IST1: variants seen among roughly 807,000 people sequenced by gnomAD.
IST1 encodes IST1 homolog.
IST1 carries 23 observed loss-of-function variants against 37.0 expected under a neutral mutation model. The ratio of observed to expected loss-of-function variants is 0.62; its 90% CI spans 0.45 to 0.88. The LOEUF is 0.88. Among genes scored for constraint, IST1 ranks in the 40% least tolerant of loss-of-function variants. The pLI, the probability that IST1 is intolerant of heterozygous loss-of-function variation, is 0.00. For synonymous variants in IST1, 180 were observed against 161.7 expected, an observed-to-expected ratio of 1.11 and a Z score of -0.86; for missense variants, 488 against 445.4, an observed-to-expected ratio of 1.10 and a Z score of -0.86.
At chr16:71,925,343 G>A (rs1450455125) in intron 9 of IST1, among the ~76,000 whole-genome samples, 1 of 142,138 alleles carries the variant, frequency 7.0e-6, no homozygotes, top group Admixed American at 7.2e-5. Flanking sequence ...TTGAGACGGA[G>A]TCTTGCTCTG....
chr16:71,912,725 A>G (rs1398799637), intron 1 of IST1, among the ~76,000 whole-genome samples: 1 of 152,146 alleles, frequency 6.6e-6, no homozygotes, highest in African/African-American at 2.4e-5. Context: ...TCATCTTTCA[A>G]AACTGAAACT....
intron 1 of IST1, among the ~76,000 whole-genome samples, chr16:71,899,029 T>C (rs1442736370): frequency 6.6e-6 from 1 of 152,048 alleles, no homozygotes; most frequent in Admixed American, 6.6e-5. Context: ...ATAATGTTTT[T>C]ATCTCAATTT....
Position 71,929,632 on chromosome 16 carries a change from A to C in IST1, c.*1819A>C. 1.3e-6 allele frequency: 2 copies of C among 1,551,828 alleles called. No homozygotes were observed. Among genetic ancestry groups the C allele is most frequent in the Non-Finnish European group, 1.7e-6 (2 of 1,146,898 alleles). ...TTTTTGGGGCCAACTGATTCCTAACAAATTTGAGAGCTTCTGTAGCAGTGT... is the reference window on the plus strand; with the variant it reads ...TTTTTGGGGCCAACTGATTCCTAACCAATTTGAGAGCTTCTGTAGCAGTGT... On this transcript the variant is annotated 3_prime_UTR_variant, in exon 10 of 10. Transcript: ENST00000378799.
At chr16:71,912,301 G>A (rs1251670213) in intron 1 of IST1, among the ~76,000 whole-genome samples, 1 of 151,854 alleles carries the variant, frequency 6.6e-6, no homozygotes, top group African/African-American at 2.4e-5. Flanking sequence ...GCGGTGGCGC[G>A]GTCTCAGCTT....
In IST1 at chr16:71,921,450, C is replaced by A; in HGVS notation, c.549C>A (p.Val183=). 1 of 1,584,628 alleles carries A rather than the reference C, an allele frequency of 6.3e-7. No individual in the cohort carries two copies. The highest frequency in any genetic ancestry group is 1.1e-5 in the South Asian group (1 of 90,366). ...YNVPYEPDSV[V]MAEAPPGVET... The stretch of plus-strand genomic sequence containing the variant: ...TACCCTATGAACCTGACTCTGTGGT[C>A]ATGGTAAGTTTATCCCAGAATACAA... Residue 183 remains valine (V), a synonymous_variant, in exon 6 of 10, where the codon GTC becomes GTA. Transcript: ENST00000378799.
intron 2 of IST1, among the ~76,000 whole-genome samples, chr16:71,916,109 G>C (rs1281447016): frequency 6.6e-6 from 1 of 152,168 alleles, no homozygotes; most frequent in Non-Finnish European, 1.5e-5. Flanking sequence ...TGGGATTACA[G>C]GCGTGAGCTA....
rs2037566060 is a variant in IST1, at chr16:71,920,950, A to G, written c.441+128A>G. On this transcript the variant is annotated intron_variant, in intron 5 of 9. Coordinates refer to ENST00000378799, the MANE Select transcript of IST1 (RefSeq NM_001270975.2). ...TTTCACCTTTCATAGTGGGGTGAGG[A>G]GGACAGCTGTGTGGCTGGCAGTGTG... is the stretch of plus-strand genomic sequence containing the variant. 3 of 749,358 alleles carry G rather than the reference A, an allele frequency of 4.0e-6. No individual in the cohort carries two copies. The African/African-American group carries it at 5.2e-5, about 13-fold the overall frequency. 46.4% of individuals were successfully genotyped at this position (749,358 alleles called of 1,614,324 possible).
chr16:71,918,644 C>G (rs1311678088), intron 4 of IST1, among the ~76,000 whole-genome samples: 2 of 152,132 alleles, frequency 1.3e-5, no homozygotes, highest in African/African-American at 4.8e-5. Flanking sequence ...TCTCGAACTC[C>G]TGACCTCGTG....
chr16:71,911,362 A>AG (rs980293921), intron 1 of IST1, among the ~76,000 whole-genome samples: 4 of 151,122 alleles, frequency 2.6e-5, no homozygotes, highest in Non-Finnish European at 4.4e-5. Context: ...TTTTTTTAAA[A>AG]AAAACTATTG....
In IST1 at chr16:71,927,936, C is replaced by G. The variant is rs189229340; in HGVS notation, c.*123C>G. On this transcript the variant is annotated 3_prime_UTR_variant, in exon 10 of 10. Coordinates refer to ENST00000378799, the MANE Select transcript of IST1 (RefSeq NM_001270975.2). ...ACCGTCACTCAGCACAACACTCCCTCTGGGCTCTCTTCCTGCTCCTCCAGA... is the reference window on the plus strand; with the variant it reads ...ACCGTCACTCAGCACAACACTCCCTGTGGGCTCTCTTCCTGCTCCTCCAGA... The G allele has an allele frequency of 5.3e-5, 37 of 699,702 alleles. No individual in the cohort carries two copies. The Admixed American group carries it at 8.2e-4, about 16-fold the overall frequency. 43.3% of individuals were successfully genotyped at this position (699,702 alleles called of 1,614,324 possible). A position where few individuals can be genotyped will look rare whatever the true frequency, so the allele number is the denominator to read the frequency against.
intron 7 of IST1, chr16:71,923,037 A>T: frequency 2.1e-6 from 1 of 468,488 alleles, no homozygotes; most frequent in Non-Finnish European, 3.7e-6. Flanking sequence ...GTAGTAAGAA[A>T]GTCTCGTTAG....
Position 71,923,365 on chromosome 16 carries a change from C to A in IST1, c.837C>A (p.Pro279=), listed in dbSNP as rs775926850. Residue 279 remains proline, a synonymous_variant, in exon 8 of 10, where the codon CCC becomes CCA. Coordinates refer to ENST00000378799, the MANE Select transcript of IST1 (RefSeq NM_001270975.2). ...ATCCACCTCAGATACCAGCAACTCC[C>A]CCATCGTATGAATCTGTAAGTGCCT... ...NIHPPQIPAT[P]PSYESVDDIN... 2.5e-6 allele frequency: 4 copies of A among 1,606,140 alleles called. No homozygotes were observed. The highest frequency in any genetic ancestry group is 1.3e-5 in the African/African-American group (1 of 74,710).
chr16:71,914,717 A>G (rs1463095814), intron 1 of IST1, among the ~76,000 whole-genome samples: 1 of 152,188 alleles, frequency 6.6e-6, no homozygotes, highest in Non-Finnish European at 1.5e-5. Flanking sequence ...CTAGTAGACA[A>G]GTACTATTCC....
At chr16:71,920,689 A>C in intron 4 of IST1, 50 bp from the exon 5 acceptor site, 1 of 1,302,420 alleles carries the variant, frequency 7.7e-7, no homozygotes, top group South Asian at 1.2e-5. Flanking sequence ...AGCTTAAAGC[A>C]GTCCGTTGGA....
In IST1 at chr16:71,917,135, G is replaced by A. The variant is rs1235941035; in HGVS notation, c.357+1G>A. ...GTCAGAAGTGGCTGAGTTGAAAATA[G>A]TGAGTACAAGTAGTTTCAGTGATGT... On this transcript the variant is annotated splice_donor_variant, in intron 4 of 9. Transcript: ENST00000378799. LOFTEE classifies it high-confidence loss of function. 1.3e-6 allele frequency: 2 copies of A among 1,577,334 alleles called. No homozygotes were observed. Among genetic ancestry groups the A allele is most frequent in the Non-Finnish European group, 8.7e-7 (1 of 1,148,202 alleles).
At chr16:71,925,230 G>C (rs2037712378) in intron 9 of IST1, among the ~76,000 whole-genome samples, 1 of 151,482 alleles carries the variant, frequency 6.6e-6, no homozygotes, top group Non-Finnish European at 1.5e-5. Flanking sequence ...AGCCAGGATG[G>C]TCTCGATCTC....
chr16:71,915,616 C>T lies in IST1; in HGVS notation c.-15-10C>T, dbSNP rs774923347. On this transcript the variant is annotated splice_polypyrimidine_tract_variant and intron_variant, in intron 1 of 9. Transcript: ENST00000378799. ...CTTGAAAATAGTCATTGTGCTTCTT[C>T]TGTTTCTAGGAGGAACAGCACAGCA... is the stretch of plus-strand genomic sequence containing the variant. 5.0e-6 allele frequency: 8 copies of T among 1,588,074 alleles called. No homozygotes were observed. Among genetic ancestry groups the T allele is most frequent in the South Asian group, 1.1e-5 (1 of 88,018 alleles).
chr16:71,895,698 G>C (rs548212839), intron 1 of IST1, 109 bp downstream of exon 1: 2 of 290,110 alleles, frequency 6.9e-6, no homozygotes, highest in East Asian at 3.5e-4. Context: ...AACGACTTCG[G>C]AGGGGGCAGC....
In IST1 at chr16:71,925,908, G is replaced by A. The variant is rs550494568; in HGVS notation, c.901+1091G>A. On this transcript the variant is annotated intron_variant, in intron 9 of 9. Coordinates refer to ENST00000378799, the MANE Select transcript of IST1 (RefSeq NM_001270975.2). ...GTGAGTGATCATTGTACTCCAGCCT[G>A]GGGGACAAAAGTGAGACCCTGTCTT... Among the ~76,000 whole-genome samples the A allele has an allele frequency of 5.3e-5, 8 of 152,260 alleles. No individual in the cohort carries two copies. In the South Asian group the frequency reaches 1.7e-3, roughly 32 times the overall value.
Sources: gnomAD v4.1 joint callset for allele counts (sites outside exome capture counted in the v4.1 genomes callset) on GRCh38, gnomAD v4.1.1 for gene constraint, MANE v1.5 for transcripts, NCBI Gene and HGNC (gene_info 2026-07-23, HGNC 2026-07-21) for gene names.